Variants in MEIS3 observed in about 807,000 individuals in gnomAD.
MEIS3 encodes homeobox protein Meis3.
MEIS3 carries 38 observed loss-of-function variants against 51.4 expected under a neutral mutation model. The observed-to-expected ratio is 0.74, with a 90% CI of 0.57 to 0.97. The LOEUF (loss-of-function observed/expected upper bound fraction) is 0.97. Among genes scored for constraint, MEIS3 ranks in the 50% least tolerant of loss-of-function variants. The probability of loss-of-function intolerance (pLI) is 0.00; values close to 1 mark genes in which losing one functional copy is unlikely to be tolerated. For synonymous variants in MEIS3, 198 were observed against 201.8 expected (o/e 0.98, Z 0.16); for missense variants, 456 against 502.6 (o/e 0.91, Z 0.89).
At chr19:47,407,232 G>T in intron 9 of MEIS3, 95 bp from the exon 10 acceptor site, 1 of 1,490,584 alleles carries the variant, frequency 6.7e-7, no homozygotes, top group Non-Finnish European at 9.0e-7. Flanking sequence ...AGCGGCGGGG[G>T]AGGCAGAGCG....
intron 5 of MEIS3, 68 bp from the exon 6 acceptor site, chr19:47,414,934 G>T: frequency 8.6e-7 from 1 of 1,164,348 alleles, no homozygotes; most frequent in Non-Finnish European, 1.2e-6. Flanking sequence ...CAGGGACGGG[G>T]GCGGCATTCT....
intron 1 of MEIS3, chr19:47,417,826 C>T: frequency 1.6e-6 from 1 of 612,624 alleles, no homozygotes; most frequent in South Asian, 1.9e-5. Flanking sequence ...ACATGTCACA[C>T]TCCACTCGCC....
rs145292734 is a variant in MEIS3 at position 47,406,916 on chromosome 19, C to T, written c.1050G>A (p.Thr350=). The change falls in exon 11 of 13, where the codon ACG becomes ACA. Residue 350 remains threonine, a synonymous_variant. Coordinates refer to ENST00000558555, the MANE Select transcript of MEIS3 (RefSeq NM_001301059.2). The part of the protein sequence containing the change: ...EGQPIGGYTE[T]QPHVAVRPPG... ...GAGGCCGGACGGCCACGTGTGGCTG[C>T]GTCTCGGTATAGCCCCCGATGGGCT... 5 of 1,578,814 alleles carry T rather than the reference C, an allele frequency of 3.2e-6. No homozygotes were observed. In the South Asian group the frequency reaches 4.6e-5, roughly 15 times the overall value.
Position 47,406,649 on chromosome 19 carries a change from A to G in MEIS3, c.1079-123T>C. The G allele has an allele frequency of 2.9e-6, 3 of 1,031,648 alleles. 1 individual carries two copies. The South Asian group carries it at 4.4e-5, about 15-fold the overall frequency. 63.9% of individuals were successfully genotyped at this position (1,031,648 alleles called of 1,614,324 possible). On this transcript the variant is annotated intron_variant, in intron 11 of 12. Coordinates refer to ENST00000558555, the MANE Select transcript of MEIS3 (RefSeq NM_001301059.2). The stretch of plus-strand genomic sequence containing the variant: ...CTACCAGGATAGACTGAGTCATAAG[A>G]AGGTGCTGGCCCTTTAAGAAAAAGT...
Position 47,407,489 on chromosome 19 carries a change from T to C in MEIS3, c.859-61A>G, listed in dbSNP as rs1177302692. 3 of 1,612,380 alleles carry C rather than the reference T, an allele frequency of 1.9e-6. No homozygotes were observed. The South Asian group carries it at 3.3e-5, about 18-fold the overall frequency. ...GCCGGCCGCAGTCTGAACCCCAAGG[T>C]CTGGCCCACCGGGGTCCGGGGGATG... On this transcript the variant is annotated intron_variant, in intron 8 of 12. Transcript: ENST00000558555.
chr19:47,404,824 TG>T (rs1970742474), intron 12 of MEIS3, among the ~76,000 whole-genome samples: 1 of 152,156 alleles, frequency 6.6e-6, no homozygotes, highest in South Asian at 2.1e-4. Flanking sequence ...CATCACCATC[TG>T]GGGATGGGTC....
rs113311713 is a variant in MEIS3, at chr19:47,406,384, A to T, written c.*17+76T>A. On this transcript the variant is annotated intron_variant, in intron 12 of 12. Transcript: ENST00000558555. ...ACCCAGGCTGACCCACTACTCTGGAAGTGCCCACTCTTGGAGTCCTGAGGT... is the reference window on the plus strand; with the variant it reads ...ACCCAGGCTGACCCACTACTCTGGATGTGCCCACTCTTGGAGTCCTGAGGT... 2,216 of 1,262,148 alleles carry T rather than the reference A, an allele frequency of 1.8e-3. 36 individuals carry two copies. The African/African-American group carries it at 0.028, about 16-fold the overall frequency. The allele number at this position is 1,262,148 out of a possible 1,614,324, so 78.2% of individuals were successfully genotyped here.
At chr19:47,405,779 AC>A (rs1970786063) in intron 12 of MEIS3, among the ~76,000 whole-genome samples, 1 of 151,886 alleles carries the variant, frequency 6.6e-6, no homozygotes, top group African/African-American at 2.4e-5. Context: ...CGAACTTCTG[AC>A]CTCAGGTGAT....
At chr19:47,405,031 G>A (rs143254066) in intron 12 of MEIS3, among the ~76,000 whole-genome samples, 1 of 152,284 alleles carries the variant, frequency 6.6e-6, no homozygotes, top group East Asian at 1.9e-4. Flanking sequence ...TTAATCCAGA[G>A]AGAGTCAAAC....
chr19:47,414,945 G>A (rs565384019), intron 5 of MEIS3, 79 bp from the exon 6 acceptor site: 2 of 1,075,748 alleles, frequency 1.9e-6, no homozygotes, highest in Non-Finnish European at 2.6e-6. Flanking sequence ...GCGGCATTCT[G>A]CTTCAACTCC....
In MEIS3 at chr19:47,404,650, C is replaced by G. The variant is rs541444214; in HGVS notation, c.*18-1097G>C. 2.0e-5 allele frequency among the ~76,000 whole-genome samples: 3 copies of G among 152,258 alleles called. No individual in the cohort carries two copies. The South Asian group carries it at 6.2e-4, about 32-fold the overall frequency. On this transcript the variant is annotated intron_variant, in intron 12 of 12. Transcript: ENST00000558555. ...TTCTGCTGGTCTCACCTCCAAAGTC[C>G]TCTCCTCCAGGCAGCCCTCCTTGAA...
chr19:47,420,572 A>ACAGAGACAGACGCG (rs1263605863), upstream of MEIS3, among the ~76,000 whole-genome samples: 11 of 108,838 alleles, frequency 1.0e-4, no homozygotes, highest in African/African-American at 3.5e-4. Flanking sequence ...AGAGAGAGAG[A>ACAGAGACAGACGCG]GGTGCAGACA....
At chr19:47,411,921 G>A (rs1375783389) in intron 6 of MEIS3, among the ~76,000 whole-genome samples, 1 of 151,664 alleles carries the variant, frequency 6.6e-6, no homozygotes, top group Non-Finnish European at 1.5e-5. Context: ...TTAGCTCTCT[G>A]CAGCTTCAAA....
upstream of MEIS3, among the ~76,000 whole-genome samples, chr19:47,420,500 A>G (rs536711964): frequency 4.0e-5 from 6 of 149,338 alleles, no homozygotes; most frequent in South Asian, 2.1e-4. Flanking sequence ...GGAGGGAGGT[A>G]ACTCCAGTGA....
intron 6 of MEIS3, among the ~76,000 whole-genome samples, chr19:47,413,397 CAA>C (rs879067578): frequency 7.1e-5 from 9 of 127,050 alleles, no homozygotes; most frequent in Non-Finnish European, 5.1e-5. Context: ...GACTCCATCT[CAA>C]AAAAAAAAAA....
chr19:47,403,804 GAC>G (rs1181749786), intron 12 of MEIS3, among the ~76,000 whole-genome samples: 4 of 152,130 alleles, frequency 2.6e-5, no homozygotes, highest in African/African-American at 9.7e-5. Context: ...CAAGGAGAGA[GAC>G]AGGCAGAGTA....
intron 8 of MEIS3, among the ~76,000 whole-genome samples, chr19:47,407,933 A>C (rs1970932163): frequency 6.6e-6 from 1 of 152,130 alleles, no homozygotes; most frequent in South Asian, 2.1e-4. Flanking sequence ...CAGCCTCCCC[A>C]GTAGCTGGGA....
In MEIS3 at chr19:47,417,357, G is replaced by T; in HGVS notation, c.13-7C>A. ...AGTGCGGCAGCTCATCATACTGGGG[G>T]AAGGTGAGAAGAGAAGGGCGGAGCC... On this transcript the variant is annotated splice_region_variant and splice_polypyrimidine_tract_variant and intron_variant, in intron 1 of 12. Coordinates refer to ENST00000558555, the MANE Select transcript of MEIS3 (RefSeq NM_001301059.2). The T allele has an allele frequency of 6.2e-7, 1 of 1,613,160 alleles. No homozygotes were observed. The highest frequency in any genetic ancestry group is 8.5e-7 in the Non-Finnish European group (1 of 1,179,656).
chr19:47,419,860 A>T (rs1279433877), upstream of MEIS3, among the ~76,000 whole-genome samples: 2 of 151,600 alleles, frequency 1.3e-5, no homozygotes, highest in African/African-American at 4.9e-5. Context: ...CCCTGGACAC[A>T]CCACGGACCC....
Sources: gnomAD v4.1 joint callset for allele counts (sites outside exome capture counted in the v4.1 genomes callset) on GRCh38, gnomAD v4.1.1 for gene constraint, MANE v1.5 for transcripts, NCBI Gene and HGNC (gene_info 2026-07-23, HGNC 2026-07-21) for gene names.